Variants in FTO observed in about 807,000 individuals in gnomAD.
FTO encodes the protein alpha-ketoglutarate-dependent dioxygenase FTO.
In FTO, 47 loss-of-function variants were observed where a neutral mutation model predicts 63.9. That is an observed-to-expected ratio of 0.74 (90% confidence interval 0.58 to 0.94). FTO has a LOEUF of 0.94. Among genes scored for constraint, FTO ranks in the 40% least tolerant of loss-of-function variants. FTO has a pLI of 0.00. For synonymous variants in FTO, 207 were observed against 224.4 expected, an observed-to-expected ratio of 0.92 and a Z score of 0.69; for missense variants, 562 against 618.1, an observed-to-expected ratio of 0.91 and a Z score of 0.96.
intron 8 of FTO, among the ~76,000 whole-genome samples, chr16:54,050,588 T>C (rs1214572175): frequency 1.3e-5 from 2 of 152,156 alleles, no homozygotes; most frequent in African/African-American, 4.8e-5. Flanking sequence ...GTCCATACTT[T>C]ACCTCCTACC....
At chr16:53,904,359 T>C (rs939811038) in intron 7 of FTO, among the ~76,000 whole-genome samples, 1 of 152,188 alleles carries the variant, frequency 6.6e-6, no homozygotes, top group African/African-American at 2.4e-5. Context: ...GTTCTCTTAA[T>C]TGCTATAATA....
intron 4 of FTO, among the ~76,000 whole-genome samples, chr16:53,868,007 C>T (rs756820363): frequency 3.9e-5 from 6 of 152,054 alleles, no homozygotes; most frequent in Non-Finnish European, 8.8e-5. Flanking sequence ...TATAGGCACT[C>T]CAGCTTTCTT....
chr16:53,816,252 G>A (rs1005167795), intron 2 of FTO, among the ~76,000 whole-genome samples: 12 of 152,182 alleles, frequency 7.9e-5, no homozygotes, highest in South Asian at 2.1e-4. Flanking sequence ...TTCTTACACC[G>A]TGGCCAAAAC....
At chr16:53,904,161 C>T (rs965235969) in intron 7 of FTO, among the ~76,000 whole-genome samples, 1 of 151,964 alleles carries the variant, frequency 6.6e-6, no homozygotes. Flanking sequence ...ACATCCTCAC[C>T]AGTGCAGTGT....
At chr16:53,761,518 T>A (rs2077069332) in intron 1 of FTO, among the ~76,000 whole-genome samples, 1 of 152,254 alleles carries the variant, frequency 6.6e-6, no homozygotes. Context: ...CATTAATTTG[T>A]ATGTCAGAGT....
intron 8 of FTO, among the ~76,000 whole-genome samples, chr16:54,014,471 C>G (rs2084391375): frequency 6.6e-6 from 1 of 152,064 alleles, no homozygotes; most frequent in Non-Finnish European, 1.5e-5. Flanking sequence ...TGAGTGGAAG[C>G]TTCCTGAGGC....
chr16:53,923,480 A>T (rs2082057288), intron 7 of FTO, among the ~76,000 whole-genome samples: 1 of 152,174 alleles, frequency 6.6e-6, no homozygotes, highest in East Asian at 1.9e-4. Context: ...TTTGGCAATT[A>T]ATCATGTACA....
chr16:53,893,715 G>A (rs951720838), intron 7 of FTO, among the ~76,000 whole-genome samples: 8 of 151,396 alleles, frequency 5.3e-5, no homozygotes, highest in East Asian at 3.9e-4. Flanking sequence ...TTCGACAATC[G>A]TTTCCAGAGT....
intron 1 of FTO, among the ~76,000 whole-genome samples, chr16:53,753,252 CAA>C (rs35605359): frequency 9.0e-5 from 7 of 77,934 alleles, no homozygotes; most frequent in Admixed American, 1.6e-4. Flanking sequence ...GACCCTGTCT[CAA>C]AAAAAAAAAA....
chr16:53,975,157 A>G (rs1223017440), intron 8 of FTO, among the ~76,000 whole-genome samples: 7 of 151,986 alleles, frequency 4.6e-5, no homozygotes, highest in African/African-American at 1.4e-4. Flanking sequence ...AAGCCACGCT[A>G]ACATTTTGTA....
At chr16:53,956,662 TTC>T (rs11461667) in intron 8 of FTO, 20,845 of 149,964 alleles carry the variant, frequency 0.14, 1,767 homozygotes, top group Admixed American at 0.22. Flanking sequence ...TTTTTTTTTT[TTC>T]TTCTTTTTTA....
At chr16:53,950,936 A>T (rs911875080) in intron 8 of FTO, among the ~76,000 whole-genome samples, 30 of 152,344 alleles carry the variant, frequency 2.0e-4, no homozygotes, top group African/African-American at 6.5e-4. Flanking sequence ...ACAGAAGCAA[A>T]CAGCTGTGTT....
At chr16:54,109,194 T>C (rs978432089) in intron 8 of FTO, among the ~76,000 whole-genome samples, 9 of 152,186 alleles carry the variant, frequency 5.9e-5, no homozygotes, top group African/African-American at 2.2e-4. Context: ...ATCTTGAAAT[T>C]TCTGAATGAA....
At chr16:53,851,806 T>C (rs893451001) in intron 4 of FTO, among the ~76,000 whole-genome samples, 1 of 151,944 alleles carries the variant, frequency 6.6e-6, no homozygotes, top group African/African-American at 2.4e-5. Flanking sequence ...GAAATAAAAA[T>C]TGAAAGATTT....
chr16:53,833,685 T>C (rs7196017), intron 3 of FTO, among the ~76,000 whole-genome samples: 79,065 of 152,096 alleles, frequency 0.52, 21,993 homozygotes, highest in East Asian at 0.9. Flanking sequence ...AACTGTTTTA[T>C]ATTCTCGCTG....
rs4264389 is a variant in FTO, at chr16:53,728,430, C to T, written c.45+24201C>T. Among the ~76,000 whole-genome samples, 69 of 152,150 alleles carry T rather than the reference C, an allele frequency of 4.5e-4. 3 individuals are homozygous for T. In the East Asian group the frequency reaches 9.5e-3, roughly 21 times the overall value. On this transcript the variant is annotated intron_variant, in intron 1 of 8. Transcript: ENST00000471389. ...GCCTTCCTTTTTTCTCCTTCCCTTC[C>T]TTCCATTCATTCATTCACTCAACAG...
chr16:53,866,143 A>G (rs1413832649), intron 4 of FTO, among the ~76,000 whole-genome samples: 1 of 152,070 alleles, frequency 6.6e-6, no homozygotes, highest in Non-Finnish European at 1.5e-5. Context: ...TTCTGTACCT[A>G]TTGGTATGAT....
chr16:53,938,868 T>G (rs1174995001), intron 8 of FTO, among the ~76,000 whole-genome samples: 6 of 151,856 alleles, frequency 4.0e-5, no homozygotes, highest in Non-Finnish European at 8.8e-5. Context: ...GACGGGCGGA[T>G]CATGAGGTCA....
chr16:53,842,111 G>A (rs1310162873), intron 3 of FTO, among the ~76,000 whole-genome samples: 4 of 152,158 alleles, frequency 2.6e-5, no homozygotes, highest in African/African-American at 9.7e-5. Flanking sequence ...AGAACATTTT[G>A]TTTAAGCAAG....
Sources: gnomAD v4.1 joint callset for allele counts (sites outside exome capture counted in the v4.1 genomes callset) on GRCh38, gnomAD v4.1.1 for gene constraint, MANE v1.5 for transcripts, NCBI Gene and HGNC (gene_info 2026-07-23, HGNC 2026-07-21) for gene names.